SFT2D2: variants seen among roughly 807,000 people sequenced by gnomAD.
SFT2D2 encodes the protein SFT2 domain containing 2.
SFT2D2 carries 21 observed loss-of-function variants against 27.4 expected under a neutral mutation model. That is an observed-to-expected ratio of 0.77 (90% CI 0.54 to 1.10). The LOEUF (loss-of-function observed/expected upper bound fraction) is 1.10. Ranked by LOEUF, SFT2D2 falls within the 50% of genes least tolerant of loss-of-function variation. SFT2D2 has a pLI of 0.00. For missense variants in SFT2D2, 187 were observed against 194.2 expected, an observed-to-expected ratio of 0.96 and a Z score of 0.22; for synonymous variants, 72 against 71.7, an observed-to-expected ratio of 1.00 and a Z score of -0.02.
chr1:168,236,559 CATTA>C lies in SFT2D2; in HGVS notation c.319-23_319-20del, dbSNP rs757342246. 1.3e-4 allele frequency: 212 copies of C among 1,602,024 alleles called. 1 individual carries two copies. The East Asian group carries it at 4.3e-3, about 32-fold the overall frequency. On this transcript the variant is annotated intron_variant, in intron 4 of 7. Transcript: ENST00000271375. The stretch of plus-strand genomic sequence containing the variant: ...TTTTTTTTTCCTGCCATGTTATTGT[CATTA>C]ATTAATGTTTCCTTTCTTCCTTTAG...
At chr1:168,237,200 G>C (rs1324415199) in intron 6 of SFT2D2, among the ~76,000 whole-genome samples, 1 of 152,220 alleles carries the variant, frequency 6.6e-6, no homozygotes, top group Non-Finnish European at 1.5e-5. Context: ...GTGATAGAAT[G>C]AATCATTTAA....
At chr1:168,234,406 CAAACA>C (rs1384623021) in intron 3 of SFT2D2, among the ~76,000 whole-genome samples, 1 of 146,828 alleles carries the variant, frequency 6.8e-6, no homozygotes, top group African/African-American at 2.5e-5. Flanking sequence ...AAAAAAAAAA[CAAACA>C]AAAAAAACCC....
At chr1:168,238,066 GT>G (rs1464353393) in intron 6 of SFT2D2, among the ~76,000 whole-genome samples, 1 of 152,102 alleles carries the variant, frequency 6.6e-6, no homozygotes. Flanking sequence ...TTCTGACTGT[GT>G]TTGCTTTTCT....
In SFT2D2 at chr1:168,239,246, T is replaced by C. The variant is rs1360780420; in HGVS notation, c.443+86T>C. On this transcript the variant is annotated intron_variant, in intron 7 of 7. Coordinates refer to ENST00000271375, the MANE Select transcript of SFT2D2 (RefSeq NM_199344.3). ...AGAGTATAGCCTATTTTATTTATCT[T>C]TACTGAAGTCTTTTGAGTCAAGTAG... The C allele has an allele frequency of 7.5e-6, 8 of 1,063,184 alleles. No homozygotes were observed. The East Asian group carries it at 1.9e-4, about 25-fold the overall frequency. The allele number at this position is 1,063,184 out of a possible 1,614,324, so 65.9% of individuals were successfully genotyped here.
At position 168,249,058 on chromosome 1, in the gene SFT2D2, T is replaced by C. The variant is rs539320772; in HGVS notation, c.*6518T>C. 1 of 152,336 alleles carries C rather than the reference T, an allele frequency of 6.6e-6. No individual in the cohort carries two copies. The highest frequency in any genetic ancestry group is 1.5e-5 in the Non-Finnish European group (1 of 68,034). 9.4% of individuals were successfully genotyped at this position (152,336 alleles called of 1,614,324 possible). A position where few individuals can be genotyped will look rare whatever the true frequency, so the allele number is the denominator to read the frequency against. ...AAACCAGCTCCTGGATTCATTGTTT[T>C]TTTCGTGGTCTCTATCTCCTTCAGT... On this transcript the variant is annotated 3_prime_UTR_variant, in exon 8 of 8. Transcript: ENST00000271375.
chr1:168,226,454 G>A (rs946627411), intron 1 of SFT2D2, among the ~76,000 whole-genome samples: 1 of 152,158 alleles, frequency 6.6e-6, no homozygotes, highest in African/African-American at 2.4e-5. Context: ...CCCACCGGCC[G>A]GGGAATGCGC....
chr1:168,244,577 C>T lies in SFT2D2; in HGVS notation c.*2037C>T, dbSNP rs998964111. 3 of 152,234 alleles carry T rather than the reference C, an allele frequency of 2.0e-5. No homozygotes were observed. The highest frequency in any genetic ancestry group is 7.2e-5 in the African/African-American group (3 of 41,454). 9.4% of individuals were successfully genotyped at this position (152,234 alleles called of 1,614,324 possible). On this transcript the variant is annotated 3_prime_UTR_variant, in exon 8 of 8. Coordinates refer to ENST00000271375, the MANE Select transcript of SFT2D2 (RefSeq NM_199344.3). ...TTCTTTCTAGGCTATTGATGACATCCAGTCATCTGCTCAGGTCACTAACCT... is the reference window on the plus strand; with the variant it reads ...TTCTTTCTAGGCTATTGATGACATCTAGTCATCTGCTCAGGTCACTAACCT...
rs1229691110 is a variant in SFT2D2 at position 168,250,082 on chromosome 1, T to G, written c.*7542T>G. On this transcript the variant is annotated 3_prime_UTR_variant, in exon 8 of 8. Transcript: ENST00000271375. ...ACGAGTGGAGGCGTCAGGGAGGGGT[T>G]CTTGGCAGGAGATGGGTCTTGTAGA... The G allele has an allele frequency of 6.6e-6, 1 of 152,170 alleles. No homozygotes were observed. Among genetic ancestry groups the G allele is most frequent in the Non-Finnish European group, 1.5e-5 (1 of 68,052 alleles). 9.4% of individuals were successfully genotyped at this position (152,170 alleles called of 1,614,324 possible).
Position 168,231,565 on chromosome 1 carries a change from G to A in SFT2D2, c.115G>A (p.Ala39Thr). Residue 39 changes from alanine to threonine, a missense_variant, in exon 2 of 8, where the codon GCG becomes ACG. Ala to Thr is a moderately conservative substitution (Grantham distance 58). Transcript: ENST00000271375. Reference protein sequence around the residue: ...SWSTRIKGFIACFAIGILCSL... With the variant: ...SWSTRIKGFITCFAIGILCSL... ...GAGTACCAGGATAAAAGGCTTCATT[G>A]CGTGTTTTGCTATAGGAATTCTCTG... 6.2e-7 allele frequency: 1 copy of A among 1,613,746 alleles called. No individual in the cohort carries two copies. The highest frequency in any genetic ancestry group is 8.5e-7 in the Non-Finnish European group (1 of 1,179,962).
rs1363054794 is a variant in SFT2D2, at chr1:168,231,859, G to C, written c.176G>C (p.Arg59Thr). Reference protein sequence around the residue: ...LLGTVLLWVPRKGLHLFAVFY... With the variant: ...LLGTVLLWVPTKGLHLFAVFY... ...GGTACTGTTCTGCTGTGGGTGCCCA[G>C]GAAGGGACTACACCTCTTCGCAGTG... Residue 59 changes from arginine (R) to threonine (T), a missense_variant, in exon 3 of 8, where the codon AGG (arginine) becomes ACG (threonine). Coordinates refer to ENST00000271375, the MANE Select transcript of SFT2D2 (RefSeq NM_199344.3). 1 of 1,614,158 alleles carries C rather than the reference G, an allele frequency of 6.2e-7. No homozygotes were observed. The highest frequency in any genetic ancestry group is 8.5e-7 in the Non-Finnish European group (1 of 1,180,030).
intron 7 of SFT2D2, 122 bp from the exon 8 acceptor site, chr1:168,242,379 G>A: frequency 5.0e-6 from 5 of 1,007,358 alleles, no homozygotes; most frequent in South Asian, 1.3e-5. Flanking sequence ...GTTTGATGCT[G>A]TGAAGGTCTG....
Position 168,244,890 on chromosome 1 carries a change from T to TA in SFT2D2, c.*2356dup, listed in dbSNP as rs1647766782. The TA allele has an allele frequency of 6.6e-6, 1 of 152,150 alleles. No homozygotes were observed. The highest frequency in any genetic ancestry group is 1.5e-5 in the Non-Finnish European group (1 of 68,028). The allele number at this position is 152,150 out of a possible 1,614,324, so 9.4% of individuals were successfully genotyped here. A position where few individuals can be genotyped will look rare whatever the true frequency, so the allele number is the denominator to read the frequency against. On this transcript the variant is annotated 3_prime_UTR_variant, in exon 8 of 8. Coordinates refer to ENST00000271375, the MANE Select transcript of SFT2D2 (RefSeq NM_199344.3). Reference sequence around the variant, plus strand: ...TTAGATTGAACAACCATGCTTTGTTTAAAAAATAATCTCAGCAAACTAGGG... The same window carrying TA: ...TTAGATTGAACAACCATGCTTTGTTTAAAAAAATAATCTCAGCAAACTAGGG...
At chr1:168,239,012 T>C (rs776288320) in intron 6 of SFT2D2, 119 bp from the exon 7 acceptor site, 1 of 766,988 alleles carries the variant, frequency 1.3e-6, no homozygotes. Context: ...CCAGGCTGAG[T>C]ATGGGAGAGG....
intron 2 of SFT2D2, 103 bp downstream of exon 2, chr1:168,231,703 A>C: frequency 6.9e-7 from 1 of 1,442,750 alleles, no homozygotes. Flanking sequence ...ACTAAAATGC[A>C]TGGATGAGAG....
At chr1:168,238,222 A>G (rs1647556538) in intron 6 of SFT2D2, among the ~76,000 whole-genome samples, 1 of 151,982 alleles carries the variant, frequency 6.6e-6, no homozygotes, top group Admixed American at 6.6e-5. Context: ...CTACATTTTC[A>G]CTCATAGAGT....
chr1:168,240,631 T>C (rs1315309816), intron 7 of SFT2D2, among the ~76,000 whole-genome samples: 1 of 152,062 alleles, frequency 6.6e-6, no homozygotes, highest in East Asian at 1.9e-4. Flanking sequence ...TCAAAAATCA[T>C]AGGCCGGGCA....
intron 3 of SFT2D2, among the ~76,000 whole-genome samples, chr1:168,234,431 G>T (rs899685352): frequency 6.6e-6 from 1 of 151,734 alleles, no homozygotes; most frequent in Admixed American, 6.6e-5. Context: ...CAGCATGCTG[G>T]GTCTGTCTTT....
intron 4 of SFT2D2, among the ~76,000 whole-genome samples, chr1:168,235,922 T>G (rs1367616202): frequency 6.6e-6 from 1 of 152,246 alleles, no homozygotes; most frequent in Non-Finnish European, 1.5e-5. Flanking sequence ...GTGACCACAT[T>G]TCCTGTTTAT....
At position 168,248,009 on chromosome 1, in the gene SFT2D2, C is replaced by T. The variant is rs561733346; in HGVS notation, c.*5469C>T. On this transcript the variant is annotated 3_prime_UTR_variant, in exon 8 of 8. Coordinates refer to ENST00000271375, the MANE Select transcript of SFT2D2 (RefSeq NM_199344.3). Reference sequence around the variant, plus strand: ...AAGTGTCTATCCTTCGCCCACTTTTCGATGGGGTTGTTTTGCTCTTATAAA... The same window carrying T: ...AAGTGTCTATCCTTCGCCCACTTTTTGATGGGGTTGTTTTGCTCTTATAAA... 4.6e-5 allele frequency: 7 copies of T among 152,252 alleles called. No homozygotes were observed. The highest frequency in any genetic ancestry group is 5.9e-5 in the Non-Finnish European group (4 of 67,998). The allele number at this position is 152,252 out of a possible 1,614,324, so 9.4% of individuals were successfully genotyped here.
Sources: gnomAD v4.1 joint callset for allele counts (sites outside exome capture counted in the v4.1 genomes callset) on GRCh38, gnomAD v4.1.1 for gene constraint, MANE v1.5 for transcripts, NCBI Gene and HGNC (gene_info 2026-07-23, HGNC 2026-07-21) for gene names.